The following ITPR2 variants were observed in gnomAD, a reference collection of about 807,000 sequenced individuals.
ITPR2 encodes the protein inositol 1,4,5-trisphosphate-gated calcium channel ITPR2.
ITPR2 carries 207 observed loss-of-function variants against 317.1 expected under a neutral mutation model. That is an observed-to-expected ratio of 0.65 (90% CI 0.58 to 0.73). The LOEUF is 0.73. Ranked by LOEUF, ITPR2 falls within the 30% of genes least tolerant of loss-of-function variation. The pLI, the probability that ITPR2 is intolerant of heterozygous loss-of-function variation, is 0.00. For synonymous variants in ITPR2, 1,156 were observed against 1,149.1 expected (o/e 1.01, Z -0.12); for missense variants, 2,613 against 3,284.0 (o/e 0.80, Z 4.99).
chr12:26,448,000 T>A (rs117423861), intron 45 of ITPR2, among the ~76,000 whole-genome samples: 1,336 of 24,342 alleles, frequency 0.055, 12 homozygotes, highest in African/African-American at 0.13. Context: ...ATGACTTTTT[T>A]TTAAAAAAAA....
At chr12:26,606,430 C>T (rs1248442136) in intron 26 of ITPR2, among the ~76,000 whole-genome samples, 2 of 151,830 alleles carry the variant, frequency 1.3e-5, no homozygotes, top group African/African-American at 2.4e-5. Flanking sequence ...TATACCATAA[C>T]ATAAAACAGT....
At chr12:26,383,601 A>C (rs909559794) in intron 55 of ITPR2, among the ~76,000 whole-genome samples, 7 of 150,750 alleles carry the variant, frequency 4.6e-5, no homozygotes, top group Non-Finnish European at 7.4e-5. Context: ...CTCCTGCCTC[A>C]GCCTCCCGAG....
Position 26,336,980 on chromosome 12 carries a change from G to GTTTTTTT in ITPR2, c.*2410_*2416dup, listed in dbSNP as rs67842212. On this transcript the variant is annotated 3_prime_UTR_variant, in exon 57 of 57. Transcript: ENST00000381340. ...TTGTCTGCTTCGATTTTTTGTTGCT[G>GTTTTTTT]TTTTTTTTTTTTTTGCTTTATAATT... 1 of 137,268 alleles carries GTTTTTTT rather than the reference G, an allele frequency of 7.3e-6. No individual in the cohort carries two copies. The allele number at this position is 137,268 out of a possible 1,614,324, so 8.5% of individuals were successfully genotyped here. A position where few individuals can be genotyped will look rare whatever the true frequency, so the allele number is the denominator to read the frequency against.
chr12:26,720,505 A>G (rs1948818325), intron 5 of ITPR2, among the ~76,000 whole-genome samples: 1 of 152,200 alleles, frequency 6.6e-6, no homozygotes, highest in African/African-American at 2.4e-5. Flanking sequence ...TAGGGAAAAA[A>G]ACGAGTATTA....
intron 2 of ITPR2, among the ~76,000 whole-genome samples, chr12:26,770,301 G>A (rs189870200): frequency 1.3e-5 from 2 of 152,258 alleles, no homozygotes; most frequent in East Asian, 3.9e-4. Flanking sequence ...TTTTTTCAGT[G>A]AAGTCAAGAG....
chr12:26,629,812 A>T (rs1946707944), intron 22 of ITPR2, among the ~76,000 whole-genome samples: 1 of 151,884 alleles, frequency 6.6e-6, no homozygotes, highest in Non-Finnish European at 1.5e-5. Flanking sequence ...TTTTATGGAC[A>T]CATCCTCCAT....
Position 26,695,669 on chromosome 12 carries a change from A to ATTTAGT in ITPR2, c.952-25_952-20dup, listed in dbSNP as rs1278819980. ...GATTAAGCTAGAAAAACAAAGGAAA[A>ATTTAGT]TTTAGTTTTTCATTGCTATGAAAAG... is the stretch of plus-strand genomic sequence containing the variant. On this transcript the variant is annotated intron_variant, in intron 9 of 56. Transcript: ENST00000381340. 6 of 1,603,040 alleles carry ATTTAGT rather than the reference A, an allele frequency of 3.7e-6. No individual in the cohort carries two copies. The African/African-American group carries it at 8.0e-5, about 21-fold the overall frequency.
At chr12:26,482,835 A>T (rs1487880938) in intron 42 of ITPR2, among the ~76,000 whole-genome samples, 1 of 152,216 alleles carries the variant, frequency 6.6e-6, no homozygotes, top group Non-Finnish European at 1.5e-5. Context: ...GCAATGTTTA[A>T]AAAAGCAAAT....
At chr12:26,725,811 C>T (rs1948910185) in intron 2 of ITPR2, 46 bp from the exon 3 acceptor site, 1 of 1,255,854 alleles carries the variant, frequency 8.0e-7, no homozygotes, top group South Asian at 1.2e-5. Context: ...AGGCTACTAG[C>T]ATTTCTTAGA....
At chr12:26,598,087 G>C (rs1342261554) in intron 30 of ITPR2, among the ~76,000 whole-genome samples, 1 of 152,130 alleles carries the variant, frequency 6.6e-6, no homozygotes, top group African/African-American at 2.4e-5. Context: ...CACTGTTGCT[G>C]CTTCCCCATT....
intron 54 of ITPR2, among the ~76,000 whole-genome samples, chr12:26,395,636 C>T (rs1041256320): frequency 2.0e-5 from 3 of 152,126 alleles, no homozygotes; most frequent in Non-Finnish European, 4.4e-5. Context: ...AGAAAGACCA[C>T]GAGATACACA....
chr12:26,459,949 C>T (rs965352521), intron 45 of ITPR2, among the ~76,000 whole-genome samples: 2 of 152,222 alleles, frequency 1.3e-5, no homozygotes, highest in African/African-American at 4.8e-5. Context: ...CAAGCCTCCT[C>T]TATCTCCAGT....
intron 55 of ITPR2, among the ~76,000 whole-genome samples, chr12:26,385,227 C>T (rs965888598): frequency 1.3e-5 from 2 of 152,198 alleles, no homozygotes; most frequent in African/African-American, 2.4e-5. Context: ...GTTGCCCCAA[C>T]ACTGCTCCTC....
chr12:26,752,666 T>C (rs1232181480), intron 2 of ITPR2, among the ~76,000 whole-genome samples: 1 of 152,204 alleles, frequency 6.6e-6, no homozygotes, highest in South Asian at 2.1e-4. Flanking sequence ...GGGTAGCCAT[T>C]GTTTTATGCC....
At chr12:26,372,296 C>T (rs1047490316) in intron 55 of ITPR2, among the ~76,000 whole-genome samples, 3 of 152,194 alleles carry the variant, frequency 2.0e-5, no homozygotes, top group Non-Finnish European at 2.9e-5. Flanking sequence ...TCATGGTAGG[C>T]ACTAAGCAAA....
At chr12:26,475,173 C>G (rs1240131741) in intron 45 of ITPR2, 123 bp downstream of exon 45, 4 of 1,125,796 alleles carry the variant, frequency 3.6e-6, no homozygotes, top group Non-Finnish European at 5.1e-6. Context: ...CTCTTTAGCC[C>G]AAACCTAGGA....
intron 2 of ITPR2, among the ~76,000 whole-genome samples, chr12:26,742,499 T>C (rs1592088254): frequency 1.3e-5 from 2 of 152,164 alleles, no homozygotes; most frequent in African/African-American, 4.8e-5. Flanking sequence ...ATCCACATCT[T>C]GGAATATTAT....
At chr12:26,768,820 C>T (rs551113753) in intron 2 of ITPR2, among the ~76,000 whole-genome samples, 1 of 152,232 alleles carries the variant, frequency 6.6e-6, no homozygotes, top group East Asian at 1.9e-4. Context: ...GACAAATGTC[C>T]ACAGCCCTAT....
chr12:26,417,163 T>C (rs1025597795), intron 50 of ITPR2, among the ~76,000 whole-genome samples: 1 of 152,170 alleles, frequency 6.6e-6, no homozygotes, highest in Non-Finnish European at 1.5e-5. Flanking sequence ...TTACATACGA[T>C]TTTTGATATC....
Sources: allele counts gnomAD v4.1 joint callset (sites outside exome capture counted in the v4.1 genomes callset), GRCh38; gene constraint gnomAD v4.1.1; transcripts MANE v1.5; gene names NCBI Gene and HGNC (gene_info 2026-07-23, HGNC 2026-07-21).